The following GSK3B variants were observed in gnomAD, a reference collection of about 807,000 sequenced individuals.
The protein encoded by GSK3B is glycogen synthase kinase 3 beta.
A neutral mutation model predicts 56.4 loss-of-function variants in GSK3B; 15 were observed. The ratio of observed to expected loss-of-function variants is 0.27; its 90% CI spans 0.18 to 0.41. The LOEUF (loss-of-function observed/expected upper bound fraction) is 0.41. Ranked by LOEUF, GSK3B falls within the 10% of genes least tolerant of loss-of-function variation. The pLI, the probability that GSK3B is intolerant of heterozygous loss-of-function variation, is 1.00. For synonymous variants in GSK3B, 181 were observed against 188.9 expected, an observed-to-expected ratio of 0.96 and a Z score of 0.34; for missense variants, 300 against 513.4, an observed-to-expected ratio of 0.58 and a Z score of 4.02.
At chr3:119,921,878 C>A (rs564580618) in intron 4 of GSK3B, among the ~76,000 whole-genome samples, 6 of 152,046 alleles carry the variant, frequency 3.9e-5, no homozygotes, top group Non-Finnish European at 8.8e-5. Context: ...TGGCTTGCGC[C>A]TGTAATCTCA....
chr3:119,968,024 T>G (rs2057335395), intron 2 of GSK3B, among the ~76,000 whole-genome samples: 1 of 151,754 alleles, frequency 6.6e-6, no homozygotes, highest in Admixed American at 6.6e-5. Context: ...CCCGGCTAAT[T>G]TTTTGTATTT....
At chr3:119,970,864 T>C (rs1354445952) in intron 2 of GSK3B, among the ~76,000 whole-genome samples, 1 of 152,124 alleles carries the variant, frequency 6.6e-6, no homozygotes, top group Non-Finnish European at 1.5e-5. Flanking sequence ...TGGAGCATCA[T>C]GAAAACTATT....
intron 8 of GSK3B, among the ~76,000 whole-genome samples, chr3:119,872,132 C>T (rs2056256987): frequency 1.3e-5 from 2 of 152,104 alleles, no homozygotes; most frequent in South Asian, 2.1e-4. Flanking sequence ...AATCCCTAAT[C>T]AACCCTAACT....
chr3:120,012,848 T>C (rs1461904908), intron 1 of GSK3B, among the ~76,000 whole-genome samples: 2 of 152,112 alleles, frequency 1.3e-5, no homozygotes, highest in Admixed American at 1.3e-4. Context: ...TAATATTTTT[T>C]ATTTTTTTAT....
chr3:120,017,979 A>G (rs184850039), intron 1 of GSK3B, among the ~76,000 whole-genome samples: 2 of 152,364 alleles, frequency 1.3e-5, no homozygotes, highest in African/African-American at 4.8e-5. Context: ...AGTGAAGTCA[A>G]TTCAACAGAT....
At chr3:120,083,474 A>C (rs2058438997) in intron 1 of GSK3B, among the ~76,000 whole-genome samples, 1 of 152,174 alleles carries the variant, frequency 6.6e-6, no homozygotes, top group Non-Finnish European at 1.5e-5. Context: ...TTTGGGGGGA[A>C]GAATTGAGAT....
chr3:119,971,592 T>C (rs1017677690), intron 2 of GSK3B, among the ~76,000 whole-genome samples: 1 of 146,382 alleles, frequency 6.8e-6, no homozygotes, highest in African/African-American at 2.6e-5. Flanking sequence ...ACTTAAACTA[T>C]TTGCAATAAT....
chr3:120,019,847 T>C (rs2057857763), intron 1 of GSK3B, among the ~76,000 whole-genome samples: 1 of 152,248 alleles, frequency 6.6e-6, no homozygotes, highest in African/African-American at 2.4e-5. Flanking sequence ...TTAACTACTA[T>C]TCTTGCCATA....
At chr3:119,844,398 G>GT (rs932562251) in intron 9 of GSK3B, among the ~76,000 whole-genome samples, 4 of 151,870 alleles carry the variant, frequency 2.6e-5, no homozygotes, top group African/African-American at 9.7e-5. Context: ...CCAGGAGCTG[G>GT]TTTTTTGAAA....
intron 1 of GSK3B, among the ~76,000 whole-genome samples, chr3:120,022,603 A>G (rs1438072370): frequency 6.6e-6 from 1 of 152,244 alleles, no homozygotes; most frequent in Non-Finnish European, 1.5e-5. Context: ...AAAGAAAAAA[A>G]GACCGGCCTT....
chr3:120,078,914 TACACAC>T (rs57127586), intron 1 of GSK3B, among the ~76,000 whole-genome samples: 1,499 of 138,306 alleles, frequency 0.011, 35 homozygotes, highest in African/African-American at 0.036. Context: ...GACAGGAAAT[TACACAC>T]ACACACACAC....
chr3:119,952,740 T>A (rs2057170736), intron 2 of GSK3B, among the ~76,000 whole-genome samples: 1 of 150,860 alleles, frequency 6.6e-6, no homozygotes. Flanking sequence ...AAAAAAACTA[T>A]CAACTAAGAA....
At chr3:120,032,665 G>A (rs1366579633) in intron 1 of GSK3B, among the ~76,000 whole-genome samples, 1 of 151,770 alleles carries the variant, frequency 6.6e-6, no homozygotes, top group Non-Finnish European at 1.5e-5. Context: ...TAAAAATGTG[G>A]CTATTAGAAA....
chr3:120,047,600 C>T (rs1478198229), intron 1 of GSK3B, among the ~76,000 whole-genome samples: 3 of 152,124 alleles, frequency 2.0e-5, no homozygotes, highest in South Asian at 2.1e-4. Context: ...TGGTACATAA[C>T]AAATAAGTGT....
intron 2 of GSK3B, among the ~76,000 whole-genome samples, chr3:119,948,595 T>C (rs1245457555): frequency 1.3e-5 from 2 of 152,216 alleles, no homozygotes; most frequent in Non-Finnish European, 2.9e-5. Flanking sequence ...CTCTTAAGTG[T>C]TGACTAGTAC....
chr3:120,068,116 G>A (rs548344411), intron 1 of GSK3B, among the ~76,000 whole-genome samples: 6 of 152,304 alleles, frequency 3.9e-5, no homozygotes, highest in African/African-American at 1.4e-4. Context: ...TTTGGGGCCA[G>A]GCGCGGTGGC....
At chr3:119,863,997 A>G (rs535216480) in intron 8 of GSK3B, among the ~76,000 whole-genome samples, 2 of 152,336 alleles carry the variant, frequency 1.3e-5, no homozygotes, top group South Asian at 2.1e-4. Context: ...TTAGCCGAAC[A>G]ATTGTTAATG....
intron 1 of GSK3B, among the ~76,000 whole-genome samples, chr3:120,068,862 A>G (rs2058303135): frequency 6.6e-6 from 1 of 152,136 alleles, no homozygotes; most frequent in Middle Eastern, 3.4e-3. Flanking sequence ...AAACTTCTTA[A>G]TAATTTAAAA....
chr3:119,907,110 T>G (rs373133218), intron 6 of GSK3B, among the ~76,000 whole-genome samples: 1 of 152,128 alleles, frequency 6.6e-6, no homozygotes, highest in Non-Finnish European at 1.5e-5. Context: ...CTAACTGTTA[T>G]AGTCAAGCGG....
Sources: allele counts gnomAD v4.1 joint callset (sites outside exome capture counted in the v4.1 genomes callset), GRCh38; gene constraint gnomAD v4.1.1; transcripts MANE v1.5; gene names NCBI Gene and HGNC (gene_info 2026-07-23, HGNC 2026-07-21).